Variants in DEPDC5 observed in about 807,000 individuals in gnomAD.
DEPDC5 encodes DEP domain containing 5, GATOR1 subcomplex subunit.
DEPDC5 carries 73 observed loss-of-function variants against 217.3 expected under a neutral mutation model. The observed-to-expected ratio is 0.34, with a 90% CI of 0.28 to 0.41. The LOEUF is 0.41. DEPDC5 is among the 10% of genes least tolerant of loss of function. DEPDC5 has a pLI of 1.00. For synonymous variants in DEPDC5, 733 were observed against 756.7 expected (o/e 0.97, Z 0.51); for missense variants, 1,675 against 2,070.1 (o/e 0.81, Z 3.70).
Position 31,821,536 on chromosome 22 carries a change from G to T in DEPDC5, c.1905G>T (p.Gln635His). ...PSGEAIQIHH[Q>H]TRQNMAELQG... Reference sequence around the variant, plus strand: ...GAGAAGCCATCCAGATCCACCACCAGACCCGACAGAATATGGCGGAGCTAC... The same window carrying T: ...GAGAAGCCATCCAGATCCACCACCATACCCGACAGAATATGGCGGAGCTAC... The change falls in exon 23 of 43, where the codon CAG becomes CAT. Residue 635 changes from glutamine (Q) to histidine (H), a missense_variant. Gln to His is a conservative substitution (Grantham distance 24). This residue lies in a region of DEPDC5 where 136 missense variants were observed against 132.2 expected (regional missense o/e 1.03). Coordinates refer to ENST00000651528, the MANE Select transcript of DEPDC5 (RefSeq NM_001242896.3). 1.2e-6 allele frequency: 2 copies of T among 1,614,246 alleles called. No homozygotes were observed. The highest frequency in any genetic ancestry group is 1.7e-6 in the Non-Finnish European group (2 of 1,180,044).
chr22:31,900,829 A>T (rs1441067017), intron 40 of DEPDC5, among the ~76,000 whole-genome samples: 2 of 152,218 alleles, frequency 1.3e-5, no homozygotes, highest in Non-Finnish European at 2.9e-5. Flanking sequence ...TAATCCCAGC[A>T]CTTTGAGAGG....
At chr22:31,774,406 T>C (rs75309914) in intron 7 of DEPDC5, among the ~76,000 whole-genome samples, 2 of 151,614 alleles carry the variant, frequency 1.3e-5, no homozygotes, top group African/African-American at 4.8e-5. Flanking sequence ...ACCATGTTTT[T>C]CAGGCTGGTC....
intron 38 of DEPDC5, among the ~76,000 whole-genome samples, chr22:31,881,930 C>T (rs1025424825): frequency 1.4e-5 from 2 of 147,248 alleles, no homozygotes; most frequent in African/African-American, 5.0e-5. Flanking sequence ...TGGGCGACTC[C>T]ATCTCAAAAG....
At chr22:31,763,466 C>T (rs375193875) in intron 4 of DEPDC5, among the ~76,000 whole-genome samples, 3 of 151,462 alleles carry the variant, frequency 2.0e-5, no homozygotes, top group African/African-American at 4.9e-5. Flanking sequence ...CAGACAGGGC[C>T]TCTCTCTGTT....
intron 8 of DEPDC5, among the ~76,000 whole-genome samples, chr22:31,782,602 G>C (rs1456595696): frequency 6.6e-6 from 1 of 152,188 alleles, no homozygotes; most frequent in Admixed American, 6.6e-5. Flanking sequence ...GAGGCAGTCT[G>C]AGTGTAGTGG....
At chr22:31,888,124 C>T (rs1272462288) in intron 38 of DEPDC5, among the ~76,000 whole-genome samples, 1 of 152,028 alleles carries the variant, frequency 6.6e-6, no homozygotes, top group Non-Finnish European at 1.5e-5. Flanking sequence ...TCATTGCAGT[C>T]ACCCTGGGCT....
intron 31 of DEPDC5, among the ~76,000 whole-genome samples, chr22:31,851,115 A>G (rs1321334567): frequency 6.6e-6 from 1 of 151,610 alleles, no homozygotes; most frequent in Non-Finnish European, 1.5e-5. Flanking sequence ...CACAGGGTCC[A>G]CATCTGCACC....
intron 7 of DEPDC5, among the ~76,000 whole-genome samples, chr22:31,772,931 A>G (rs1337127847): frequency 6.6e-6 from 1 of 151,496 alleles, no homozygotes; most frequent in Non-Finnish European, 1.5e-5. Flanking sequence ...ACAGGAATGC[A>G]CCACTATGCC....
At chr22:31,756,242 C>A (rs937293926) in intron 2 of DEPDC5, among the ~76,000 whole-genome samples, 1 of 151,996 alleles carries the variant, frequency 6.6e-6, no homozygotes, top group Non-Finnish European at 1.5e-5. Flanking sequence ...AGGTATAAGC[C>A]TCCAGAGGGG....
At chr22:31,877,136 G>A (rs1051326447) in intron 37 of DEPDC5, among the ~76,000 whole-genome samples, 9 of 151,412 alleles carry the variant, frequency 5.9e-5, no homozygotes, top group African/African-American at 2.2e-4. Context: ...GTGAAACTCC[G>A]TCTCAAAAAC....
chr22:31,766,237 A>C (rs1359805536), intron 5 of DEPDC5, among the ~76,000 whole-genome samples: 2 of 152,190 alleles, frequency 1.3e-5, no homozygotes, highest in African/African-American at 4.8e-5. Context: ...ATAATAGATA[A>C]AAATTATTGT....
At chr22:31,818,223 C>T (rs1306498022) in intron 21 of DEPDC5, among the ~76,000 whole-genome samples, 1 of 152,164 alleles carries the variant, frequency 6.6e-6, no homozygotes, top group African/African-American at 2.4e-5. Context: ...CATACCATCT[C>T]CTTGCCTGGT....
At chr22:31,878,719 G>A (rs1008391241) in intron 37 of DEPDC5, among the ~76,000 whole-genome samples, 2 of 151,700 alleles carry the variant, frequency 1.3e-5, no homozygotes, top group Non-Finnish European at 2.9e-5. Flanking sequence ...GTCTCTAAGA[G>A]AAAAAAAGAA....
At chr22:31,902,407 ATTATAT>A (rs1174596637) in intron 41 of DEPDC5, among the ~76,000 whole-genome samples, 1 of 69,348 alleles carries the variant, frequency 1.4e-5, no homozygotes, top group Non-Finnish European at 2.6e-5. Flanking sequence ...TCATCTCCTT[ATTATAT>A]ATATATATAT....
intron 11 of DEPDC5, 78 bp from the exon 12 acceptor site, chr22:31,792,667 T>G: frequency 9.7e-7 from 1 of 1,030,998 alleles, no homozygotes; most frequent in South Asian, 1.6e-5. Context: ...ATGCAAATCT[T>G]TAACCCAGAA....
In DEPDC5 at chr22:31,777,660, C is replaced by T. The variant is rs150682120; in HGVS notation, c.414-439C>T. On this transcript the variant is annotated intron_variant, in intron 7 of 42. Transcript: ENST00000651528. ...TTCTTTATATTGGATAATCTGTTCA[C>T]GGAGTTCTCTGGAAATCTGTAACCA... Among the ~76,000 whole-genome samples, 514 of 152,210 alleles carry T rather than the reference C, an allele frequency of 3.4e-3. 5 individuals carry two copies. Among genetic ancestry groups the T allele is most frequent in the African/African-American group, 0.011 (472 of 41,530 alleles).
intron 25 of DEPDC5, among the ~76,000 whole-genome samples, chr22:31,835,386 A>G (rs1468952286): frequency 6.6e-6 from 1 of 152,146 alleles, no homozygotes; most frequent in Non-Finnish European, 1.5e-5. Flanking sequence ...GAACCAGAAG[A>G]TACTGGGGTT....
intron 10 of DEPDC5, among the ~76,000 whole-genome samples, chr22:31,791,607 G>A (rs2085642777): frequency 8.6e-6 from 1 of 116,918 alleles, no homozygotes; most frequent in Non-Finnish European, 1.7e-5. Flanking sequence ...TCCAGCCTGG[G>A]CAACTGAATG....
rs2042977799 is a variant in DEPDC5 at position 31,822,960 on chromosome 22, G to A, written c.2104+170G>A. On this transcript the variant is annotated intron_variant, in intron 24 of 42. Coordinates refer to ENST00000651528, the MANE Select transcript of DEPDC5 (RefSeq NM_001242896.3). Reference sequence around the variant, plus strand: ...CTATAATGCATGGAATTAAAAATGGGCTGCACGTTAACATTTTTAGCTCAG... The same window carrying A: ...CTATAATGCATGGAATTAAAAATGGACTGCACGTTAACATTTTTAGCTCAG... 18 of 617,690 alleles carry A rather than the reference G, an allele frequency of 2.9e-5. No individual in the cohort carries two copies. In the South Asian group the frequency reaches 3.3e-4, roughly 11 times the overall value. 38.3% of individuals were successfully genotyped at this position (617,690 alleles called of 1,614,324 possible). A position where few individuals can be genotyped will look rare whatever the true frequency, so the allele number is the denominator to read the frequency against.
Sources: gnomAD v4.1 joint callset for allele counts (sites outside exome capture counted in the v4.1 genomes callset) on GRCh38, gnomAD v4.1.1 for gene constraint, gnomAD v4.1.1 regional missense constraint, MANE v1.5 for transcripts, NCBI Gene and HGNC (gene_info 2026-07-23, HGNC 2026-07-21) for gene names.